BICC1: variants seen among roughly 807,000 people sequenced by gnomAD.
BICC1 encodes BicC family RNA binding protein 1, also known as protein bicaudal C homolog 1.
BICC1 carries 43 observed loss-of-function variants against 111.0 expected under a neutral mutation model. The observed-to-expected ratio is 0.39, with a 90% CI of 0.30 to 0.50. The LOEUF (loss-of-function observed/expected upper bound fraction) is 0.50, where lower values mean the gene tolerates loss of function less well. BICC1 is among the 20% of genes least tolerant of loss of function. The pLI, the probability that BICC1 is intolerant of heterozygous loss-of-function variation, is 0.88. For missense variants in BICC1, 1,091 were observed against 1,203.2 expected, an observed-to-expected ratio of 0.91 and a Z score of 1.38; for synonymous variants, 467 against 434.4, an observed-to-expected ratio of 1.07 and a Z score of -0.93.
intron 1 of BICC1, among the ~76,000 whole-genome samples, chr10:58,612,110 A>G (rs899744038): frequency 6.6e-6 from 1 of 152,188 alleles, no homozygotes; most frequent in Non-Finnish European, 1.5e-5. Context: ...GATACTTTTC[A>G]CCGTTGAAAT....
chr10:58,656,289 A>G (rs2132270922), intron 2 of BICC1, among the ~76,000 whole-genome samples: 1 of 151,388 alleles, frequency 6.6e-6, no homozygotes, highest in South Asian at 2.1e-4. Flanking sequence ...AACTGGTACC[A>G]TTCCTTCTGA....
chr10:58,817,833 C>A, intron 19 of BICC1, 111 bp downstream of exon 19: 1 of 1,114,982 alleles, frequency 9.0e-7, no homozygotes, highest in Non-Finnish European at 1.3e-6. Flanking sequence ...AGCATTTATT[C>A]AAGTCTCATA....
At chr10:58,601,168 A>ATATATATATATATATATATATG in intron 1 of BICC1, among the ~76,000 whole-genome samples, 1 of 139,340 alleles carries the variant, frequency 7.2e-6, no homozygotes, top group South Asian at 2.3e-4. Flanking sequence ...ATATATATAT[A>ATATATATATATATATATATATG]TATCTCCCAA....
intron 1 of BICC1, among the ~76,000 whole-genome samples, chr10:58,576,850 G>A (rs1009368511): frequency 1.3e-5 from 2 of 152,286 alleles, no homozygotes; most frequent in African/African-American, 4.8e-5. Flanking sequence ...GAGAAAGAAA[G>A]TTATCCCAGA....
intron 3 of BICC1, among the ~76,000 whole-genome samples, chr10:58,717,531 TA>T (rs943501214): frequency 5.9e-5 from 9 of 152,252 alleles, no homozygotes; most frequent in Non-Finnish European, 8.8e-5. Flanking sequence ...AAATAAGAGT[TA>T]AAAAAATAAG....
chr10:58,631,822 C>T (rs7904807), intron 2 of BICC1, among the ~76,000 whole-genome samples: 52,980 of 152,076 alleles, frequency 0.35, 10,226 homozygotes, highest in East Asian at 0.47. Context: ...ACCAGGAAAC[C>T]TTAATCTCCA....
At chr10:58,640,017 TC>T (rs1233622216) in intron 2 of BICC1, among the ~76,000 whole-genome samples, 91 of 152,302 alleles carry the variant, frequency 6.0e-4, no homozygotes, top group Non-Finnish European at 9.4e-4. Context: ...TTTATGATTT[TC>T]CCTGAGCCTC....
At chr10:58,753,316 A>G (rs986510116) in intron 3 of BICC1, among the ~76,000 whole-genome samples, 4 of 152,070 alleles carry the variant, frequency 2.6e-5, no homozygotes, top group African/African-American at 9.7e-5. Flanking sequence ...CCCCAGGCAC[A>G]CACCATCAGG....
Position 58,644,769 on chromosome 10 carries a change from T to C in BICC1, c.237+23868T>C, listed in dbSNP as rs373302464. On this transcript the variant is annotated intron_variant, in intron 2 of 20. Transcript: ENST00000373886. ...AAAAATAACCTTTCATGTAAAGTTA[T>C]TTGAAATCTCATAATATTTCTACTG... is the stretch of plus-strand genomic sequence containing the variant. Among the ~76,000 whole-genome samples, 11 of 152,362 alleles carry C rather than the reference T, an allele frequency of 7.2e-5. No individual in the cohort carries two copies. In the South Asian group the frequency reaches 1.0e-3, roughly 14 times the overall value.
chr10:58,517,146 C>T (rs7098326), intron 1 of BICC1, among the ~76,000 whole-genome samples: 81,808 of 151,704 alleles, frequency 0.54, 23,082 homozygotes, highest in African/African-American at 0.71. Context: ...GTTTGGGAAT[C>T]CCTTCTTTCA....
intron 3 of BICC1, among the ~76,000 whole-genome samples, chr10:58,710,612 A>G (rs1799759884): frequency 6.6e-6 from 1 of 152,178 alleles, no homozygotes; most frequent in African/African-American, 2.4e-5. Flanking sequence ...GCCATGTGTT[A>G]TTTCCTTAGG....
chr10:58,614,533 C>T (rs1027356067), intron 1 of BICC1, among the ~76,000 whole-genome samples: 1 of 152,154 alleles, frequency 6.6e-6, no homozygotes, highest in African/African-American at 2.4e-5. Context: ...TGCTGTTTTC[C>T]CTCAAATAAT....
At chr10:58,641,266 C>G (rs577520815) in intron 2 of BICC1, among the ~76,000 whole-genome samples, 2 of 152,266 alleles carry the variant, frequency 1.3e-5, no homozygotes, top group East Asian at 3.9e-4. Context: ...GGCTGCTATT[C>G]ATTATCTACT....
At chr10:58,516,941 G>T (rs1395046005) in intron 1 of BICC1, among the ~76,000 whole-genome samples, 1 of 152,156 alleles carries the variant, frequency 6.6e-6, no homozygotes, top group Non-Finnish European at 1.5e-5. Flanking sequence ...CAGAGATACA[G>T]TCTTGGTGTT....
chr10:58,821,423 C>T (rs2132975326), intron 20 of BICC1, among the ~76,000 whole-genome samples: 1 of 152,270 alleles, frequency 6.6e-6, no homozygotes, highest in African/African-American at 2.4e-5. Context: ...ACAACATTCA[C>T]TAATCAGATC....
At position 58,798,422 on chromosome 10, in the gene BICC1, T is replaced by C. The variant is rs1843426459; in HGVS notation, c.1390T>C (p.Ser464Pro). 8.7e-6 allele frequency: 14 copies of C among 1,608,486 alleles called. No individual in the cohort carries two copies. Among genetic ancestry groups the C allele is most frequent in the Non-Finnish European group, 1.2e-5 (14 of 1,177,788 alleles). ...GLGLLGPTTLSLNTSTTPNSL... is the reference protein window; with the variant it reads ...GLGLLGPTTLPLNTSTTPNSL... ...AGGTCTTTTGGGACCCACCACCTTA[T>C]CTCTGAACACTTCAACAACCCCAAA... Residue 464 changes from serine (S) to proline (P), a missense_variant, in exon 11 of 21, where the codon TCT becomes CCT. Physicochemically the swap from Ser to Pro is moderately conservative, Grantham distance 74. Transcript: ENST00000373886.
intron 2 of BICC1, among the ~76,000 whole-genome samples, chr10:58,644,335 C>A (rs1002992892): frequency 1.3e-5 from 2 of 152,166 alleles, no homozygotes; most frequent in African/African-American, 4.8e-5. Context: ...GCCAGGTTTG[C>A]CTGGCTACCA....
chr10:58,704,328 A>G (rs760539256), intron 3 of BICC1, among the ~76,000 whole-genome samples: 3 of 152,228 alleles, frequency 2.0e-5, no homozygotes, highest in Non-Finnish European at 2.9e-5. Context: ...TAAAGAGAAC[A>G]TGGAAGGGAG....
chr10:58,585,067 A>C (rs1319570073), intron 1 of BICC1, among the ~76,000 whole-genome samples: 3 of 152,218 alleles, frequency 2.0e-5, no homozygotes, highest in African/African-American at 7.2e-5. Context: ...GGAGTTGTAC[A>C]GGTAGAGTAT....
Sources: allele counts gnomAD v4.1 joint callset (sites outside exome capture counted in the v4.1 genomes callset), GRCh38; gene constraint gnomAD v4.1.1; transcripts MANE v1.5; gene names NCBI Gene and HGNC (gene_info 2026-07-23, HGNC 2026-07-21).